TMPRSS11E: variants seen among roughly 807,000 people sequenced by gnomAD.
The protein encoded by TMPRSS11E is transmembrane protease serine 11E.
TMPRSS11E carries 38 observed loss-of-function variants against 48.1 expected under a neutral mutation model. That is an observed-to-expected ratio of 0.79 (90% CI 0.61 to 1.04). The LOEUF (loss-of-function observed/expected upper bound fraction) is 1.04. Ranked by LOEUF, TMPRSS11E falls within the 50% of genes least tolerant of loss-of-function variation. TMPRSS11E has a pLI of 0.00. For missense variants in TMPRSS11E, 530 were observed against 510.8 expected (o/e 1.04, Z -0.36); for synonymous variants, 158 against 171.9 (o/e 0.92, Z 0.63).
chr4:68,483,666 G>A (rs1380940252), intron 9 of TMPRSS11E, among the ~76,000 whole-genome samples: 1 of 152,108 alleles, frequency 6.6e-6, no homozygotes, highest in East Asian at 1.9e-4. Context: ...TTTTGTTTTA[G>A]TTGCAATTGC....
intron 9 of TMPRSS11E, among the ~76,000 whole-genome samples, chr4:68,487,331 C>T (rs1475353148): frequency 6.6e-6 from 1 of 151,850 alleles, no homozygotes; most frequent in Non-Finnish European, 1.5e-5. Context: ...GAGCTCACTA[C>T]ATCCTCTACC....
chr4:68,455,579 G>C (rs1351519455), intron 1 of TMPRSS11E, among the ~76,000 whole-genome samples: 1 of 151,888 alleles, frequency 6.6e-6, no homozygotes, highest in African/African-American at 2.4e-5. Context: ...GATTTGGTAG[G>C]AAGACAGCTA....
intron 8 of TMPRSS11E, among the ~76,000 whole-genome samples, chr4:68,478,149 C>CTTCTT (rs1729286628): frequency 7.4e-6 from 1 of 134,242 alleles, no homozygotes; most frequent in Non-Finnish European, 1.6e-5. Flanking sequence ...GTATCACTAT[C>CTTCTT]TTTTTTTTTT....
At chr4:68,460,199 C>T (rs1244474245) in intron 1 of TMPRSS11E, among the ~76,000 whole-genome samples, 2 of 152,178 alleles carry the variant, frequency 1.3e-5, no homozygotes, top group African/African-American at 4.8e-5. Context: ...GCGATGATAA[C>T]ACCATTGACT....
At chr4:68,476,855 A>G (rs2109697748) in intron 7 of TMPRSS11E, among the ~76,000 whole-genome samples, 1 of 152,318 alleles carries the variant, frequency 6.6e-6, no homozygotes, top group South Asian at 2.1e-4. Context: ...TGTAATGAAG[A>G]TATGAAGAAT....
intron 9 of TMPRSS11E, among the ~76,000 whole-genome samples, chr4:68,490,293 T>C (rs1729680446): frequency 6.6e-6 from 1 of 152,230 alleles, no homozygotes; most frequent in African/African-American, 2.4e-5. Context: ...GAGAAGGTCT[T>C]CTTGTCTGCG....
At position 68,478,851 on chromosome 4, in the gene TMPRSS11E, T is replaced by TA. The variant is rs1560555932; in HGVS notation, c.971dup (p.Tyr324Ter). The TA allele has an allele frequency of 2.5e-6, 4 of 1,612,836 alleles. No homozygotes were observed. The highest frequency in any genetic ancestry group is 3.4e-6 in the Non-Finnish European group (4 of 1,179,700). Residue 324 changes from tyrosine (Y) to a stop codon, truncating the protein, a stop_gained and frameshift_variant, in exon 9 of 10, where the codon TAC becomes TAAC. Transcript: ENST00000305363. LOFTEE classifies it high-confidence loss of function. ...ACAAAGACTTTTTTTTCTTTTAGGTTACAGTCAAAATCATCTTCGACAAGC... is the reference window on the plus strand; with the variant it reads ...ACAAAGACTTTTTTTTCTTTTAGGTTAACAGTCAAAATCATCTTCGACAAGC... ...TGFGALKNDG[Y>*]SQNHLRQAQV...
intron 3 of TMPRSS11E, among the ~76,000 whole-genome samples, chr4:68,466,984 C>T (rs2109681738): frequency 6.6e-6 from 1 of 152,180 alleles, no homozygotes; most frequent in South Asian, 2.1e-4. Flanking sequence ...GTCCTTCTTA[C>T]TCACCTTTCC....
rs567526085 is a variant in TMPRSS11E at position 68,476,172 on chromosome 4, G to T, written c.530-89G>T. On this transcript the variant is annotated intron_variant, in intron 6 of 9. Transcript: ENST00000305363. ...GATACTTTTGGAGCACAAAGTAGAA[G>T]AAATATGGGACATAGTAACACAATT... The T allele has an allele frequency of 4.1e-5, 64 of 1,550,292 alleles. No individual in the cohort carries two copies. In the Middle Eastern group the frequency reaches 9.3e-4, roughly 23 times the overall value.
At chr4:68,448,738 C>G (rs1728413276) in intron 1 of TMPRSS11E, among the ~76,000 whole-genome samples, 1 of 151,762 alleles carries the variant, frequency 6.6e-6, no homozygotes, top group Non-Finnish European at 1.5e-5. Flanking sequence ...CAAATAATCT[C>G]TCATGGAAAA....
At chr4:68,470,569 A>G (rs1729037950) in intron 4 of TMPRSS11E, among the ~76,000 whole-genome samples, 1 of 151,912 alleles carries the variant, frequency 6.6e-6, no homozygotes, top group Non-Finnish European at 1.5e-5. Flanking sequence ...AGAAGTGGAA[A>G]TGCTGTGCCA....
chr4:68,477,764 G>A (rs1209542599), intron 8 of TMPRSS11E, 136 bp downstream of exon 8: 5 of 1,121,476 alleles, frequency 4.5e-6, no homozygotes, highest in Non-Finnish European at 5.2e-6. Context: ...TAAAAGTGAA[G>A]TAAATAACTT....
chr4:68,477,286 C>A lies in TMPRSS11E; in HGVS notation c.708-83C>A, dbSNP rs191729901. 6.5e-5 allele frequency: 87 copies of A among 1,332,662 alleles called. No individual in the cohort carries two copies. The African/African-American group carries it at 1.1e-3, about 17-fold the overall frequency. The allele number at this position is 1,332,662 out of a possible 1,614,324, so 82.6% of individuals were successfully genotyped here. A position where few individuals can be genotyped will look rare whatever the true frequency, so the allele number is the denominator to read the frequency against. On this transcript the variant is annotated intron_variant, in intron 7 of 9. Coordinates refer to ENST00000305363, the MANE Select transcript of TMPRSS11E (RefSeq NM_014058.4). ...CTATAAAAAGAAAAAAAAATCTACA[C>A]CTGTAGACTAAATTATTTAATATAA...
chr4:68,461,138 C>G (rs1728779740), intron 1 of TMPRSS11E, among the ~76,000 whole-genome samples: 1 of 152,156 alleles, frequency 6.6e-6, no homozygotes, highest in Non-Finnish European at 1.5e-5. Context: ...GCCTCGGCCT[C>G]CCAAAGTGCT....
At chr4:68,489,402 G>A (rs1473405816) in intron 9 of TMPRSS11E, among the ~76,000 whole-genome samples, 1 of 152,172 alleles carries the variant, frequency 6.6e-6, no homozygotes, top group African/African-American at 2.4e-5. Flanking sequence ...AGGCACTTTG[G>A]CGGGGTGGCA....
intron 2 of TMPRSS11E, among the ~76,000 whole-genome samples, chr4:68,465,517 G>A (rs918901819): frequency 1.3e-5 from 2 of 152,150 alleles, no homozygotes; most frequent in African/African-American, 4.8e-5. Context: ...ATGTCCTGCT[G>A]GACTTGGGCA....
chr4:68,486,550 A>C (rs1249569932), intron 9 of TMPRSS11E, among the ~76,000 whole-genome samples: 1 of 152,180 alleles, frequency 6.6e-6, no homozygotes, highest in African/African-American at 2.4e-5. Flanking sequence ...TTTATGGCCA[A>C]GTGCATGGTT....
chr4:68,459,055 T>G (rs1227317855), intron 1 of TMPRSS11E, among the ~76,000 whole-genome samples: 1 of 152,180 alleles, frequency 6.6e-6, no homozygotes, highest in Admixed American at 6.6e-5. Flanking sequence ...CGTACAAGAC[T>G]ATATAATAAA....
At chr4:68,454,014 C>T (rs138973661) in intron 1 of TMPRSS11E, among the ~76,000 whole-genome samples, 2 of 151,878 alleles carry the variant, frequency 1.3e-5, no homozygotes, top group Non-Finnish European at 1.5e-5. Flanking sequence ...TATTCATATG[C>T]TGACTCTTAT....
Sources: gnomAD v4.1 joint callset for allele counts (sites outside exome capture counted in the v4.1 genomes callset) on GRCh38, gnomAD v4.1.1 for gene constraint, MANE v1.5 for transcripts, NCBI Gene and HGNC (gene_info 2026-07-23, HGNC 2026-07-21) for gene names.